The following SLC33A2 variants were observed in gnomAD, a reference collection of about 807,000 sequenced individuals.
The protein encoded by SLC33A2 is major facilitator superfamily domain containing 3.
At chr8:144,510,209 A>T in the SLC33A2 span, 1 of 1,333,682 alleles carries the variant, frequency 7.5e-7, no homozygotes. Flanking sequence ...CCCATCCCTG[A>T]GCGCTCTCTC....
chr8:144,510,809 G>A, the SLC33A2 span: 8 of 1,611,364 alleles, frequency 5.0e-6, no homozygotes, highest in Admixed American at 1.7e-5. Context: ...GCCTTGCTGA[G>A]CCTATGTCTG....
chr8:144,511,104 G>A, the SLC33A2 span: 3 of 1,610,170 alleles, frequency 1.9e-6, no homozygotes, highest in Admixed American at 3.3e-5. Context: ...TCTTGCTCCT[G>A]CTCATCCTCT....
At chr8:144,509,978 C>A in the SLC33A2 span, 5 of 1,596,204 alleles carry the variant, frequency 3.1e-6, no homozygotes, top group Non-Finnish European at 4.2e-6. Context: ...TGCCGGGGAC[C>A]GTGTGGACGG....
At chr8:144,509,503 C>G in the SLC33A2 span, 1 of 1,532,146 alleles carries the variant, frequency 6.5e-7, no homozygotes, top group South Asian at 1.2e-5. Context: ...CTGGCTTGGG[C>G]CCCGCTGGTG....
At chr8:144,509,693 C>T in the SLC33A2 span, 12 of 1,562,762 alleles carry the variant, frequency 7.7e-6, no homozygotes, top group Non-Finnish European at 6.9e-6. Context: ...TGGCCCTGGA[C>T]GCGCTGGCTG....
the SLC33A2 span, chr8:144,510,680 G>C: frequency 9.6e-6 from 15 of 1,561,020 alleles, no homozygotes; most frequent in South Asian, 1.6e-4. Context: ...CTTCCACCTG[G>C]ACACCCTGGG....
At chr8:144,509,126 G>T in the SLC33A2 span, 1 of 492,992 alleles carries the variant, frequency 2.0e-6, no homozygotes, top group South Asian at 4.3e-5. Context: ...CCCCCGTTTG[G>T]ACCCGACTTC....
the SLC33A2 span, chr8:144,510,887 C>A: frequency 6.2e-7 from 1 of 1,606,566 alleles, no homozygotes; most frequent in Admixed American, 1.7e-5. Context: ...AGCCAGCTGG[C>A]CCCCAGGGCC....
At chr8:144,510,250 A>G in the SLC33A2 span, 1 of 1,505,846 alleles carries the variant, frequency 6.6e-7, no homozygotes, top group Non-Finnish European at 8.9e-7. Context: ...CAGTATCTGC[A>G]GCTCTGGAAC....
At chr8:144,509,601 C>T in the SLC33A2 span, 6 of 1,547,140 alleles carry the variant, frequency 3.9e-6, no homozygotes, top group South Asian at 5.9e-5. Context: ...GCTGCCCCCT[C>T]CTGGAGCTGG....
the SLC33A2 span, chr8:144,510,224 T>C: frequency 7.1e-7 from 1 of 1,410,848 alleles, no homozygotes; most frequent in East Asian, 2.4e-5. Context: ...TCTCTCGGGC[T>C]GCCCCACTTC....
the SLC33A2 span, chr8:144,509,455 G>T: frequency 6.5e-7 from 1 of 1,535,206 alleles, no homozygotes; most frequent in East Asian, 2.5e-5. Context: ...ACGCGCGTGG[G>T]GCTGGCCAAG....
At chr8:144,510,027 C>T in the SLC33A2 span, 7 of 1,588,664 alleles carry the variant, frequency 4.4e-6, no homozygotes, top group Non-Finnish European at 6.0e-6. Context: ...TGAGTGAGGC[C>T]TCGAGCCAGG....
At chr8:144,509,804 G>A in the SLC33A2 span, 1 of 1,544,222 alleles carries the variant, frequency 6.5e-7, no homozygotes, top group Admixed American at 1.9e-5. Flanking sequence ...TGCTGGCGCT[G>A]CTGCCCACCT....
chr8:144,510,219 C>T, the SLC33A2 span: 129 of 1,387,542 alleles, frequency 9.3e-5, no homozygotes, highest in African/African-American at 7.0e-4. Context: ...AGCGCTCTCT[C>T]GGGCTGCCCC....
At chr8:144,510,938 C>T in the SLC33A2 span, 96 of 1,600,060 alleles carry the variant, frequency 6.0e-5, no homozygotes, top group Middle Eastern at 6.6e-4. Context: ...AGAGAGACCA[C>T]GGGGCTGGGG....
chr8:144,510,300 A>G, the SLC33A2 span: 1 of 1,597,720 alleles, frequency 6.3e-7, no homozygotes, highest in Non-Finnish European at 8.5e-7. Flanking sequence ...CCAGGTGGGG[A>G]GAAGGGAGGT....
chr8:144,510,519 CCA>C, the SLC33A2 span: 3 of 1,612,450 alleles, frequency 1.9e-6, no homozygotes, highest in Non-Finnish European at 2.5e-6. Flanking sequence ...TGAGCCCTCC[CCA>C]GTGTACCCTG....
At chr8:144,510,883 C>G in the SLC33A2 span, 1 of 1,607,420 alleles carries the variant, frequency 6.2e-7, no homozygotes, top group South Asian at 1.1e-5. Flanking sequence ...CTGCAGCCAG[C>G]TGGCCCCCAG....
Sources: allele counts gnomAD v4.1 joint callset, GRCh38; gene constraint gnomAD v4.1.1; transcripts MANE v1.5; gene names NCBI Gene and HGNC (gene_info 2026-07-23, HGNC 2026-07-21).